The following RASEF variants were observed in gnomAD, a reference collection of about 807,000 sequenced individuals.
The protein encoded by RASEF is RAS and EF-hand domain containing.
A neutral mutation model predicts 90.1 loss-of-function variants in RASEF; 68 were observed. The ratio of observed to expected loss-of-function variants is 0.75; its 90% CI spans 0.62 to 0.92. The LOEUF is 0.92. Among genes scored for constraint, RASEF ranks in the 40% least tolerant of loss-of-function variants. The pLI, the probability that RASEF is intolerant of heterozygous loss-of-function variation, is 0.00. For synonymous variants in RASEF, 331 were observed against 345.2 expected (o/e 0.96, Z 0.46); for missense variants, 949 against 937.2 (o/e 1.01, Z -0.16).
chr9:83,135,367 G>A, the RASEF span, among the ~76,000 whole-genome samples: 1 of 151,996 alleles, frequency 6.6e-6, no homozygotes, highest in East Asian at 1.9e-4. Context: ...GGAAGAGGGA[G>A]GGATAGCATT....
intron 1 of RASEF, among the ~76,000 whole-genome samples, chr9:83,026,444 A>C (rs966473252): frequency 2.0e-5 from 3 of 152,202 alleles, no homozygotes; most frequent in African/African-American, 7.2e-5. Context: ...ACATGGCAGA[A>C]GGGGAAGCAA....
chr9:83,056,005 A>G (rs1830095933), intron 1 of RASEF, among the ~76,000 whole-genome samples: 1 of 152,136 alleles, frequency 6.6e-6, no homozygotes, highest in African/African-American at 2.4e-5. Context: ...TCAGGTGTAT[A>G]TATATAGTGC....
At chr9:83,077,039 C>G in the RASEF span, among the ~76,000 whole-genome samples, 2 of 152,068 alleles carry the variant, frequency 1.3e-5, no homozygotes, top group Non-Finnish European at 2.9e-5. Flanking sequence ...TTGGAAAGGT[C>G]ATGAAAACTT....
chr9:83,209,053 G>C, the RASEF span, among the ~76,000 whole-genome samples: 1 of 152,180 alleles, frequency 6.6e-6, no homozygotes, highest in Non-Finnish European at 1.5e-5. Context: ...ATTCAGTTGG[G>C]CAGCAATTTC....
At chr9:83,197,664 G>C in the RASEF span, among the ~76,000 whole-genome samples, 1 of 152,146 alleles carries the variant, frequency 6.6e-6, no homozygotes, top group African/African-American at 2.4e-5. Context: ...GCTAACATTT[G>C]GGCACTTGGA....
intron 1 of RASEF, among the ~76,000 whole-genome samples, chr9:83,040,771 T>C (rs999624660): frequency 6.6e-6 from 1 of 152,242 alleles, no homozygotes; most frequent in Non-Finnish European, 1.5e-5. Context: ...TTGTTTACAG[T>C]TAAATAAACC....
intron 13 of RASEF, among the ~76,000 whole-genome samples, 162 bp downstream of exon 13, chr9:82,998,203 A>G (rs1466258330): frequency 6.6e-6 from 1 of 152,252 alleles, no homozygotes; most frequent in Non-Finnish European, 1.5e-5. Context: ...GAATATAAGC[A>G]TTTTAAAGTT....
At chr9:83,077,404 G>A in the RASEF span, among the ~76,000 whole-genome samples, 1 of 152,034 alleles carries the variant, frequency 6.6e-6, no homozygotes, top group Non-Finnish European at 1.5e-5. Context: ...TATTAGAATC[G>A]GTCATTAAAT....
chr9:83,022,701 T>A (rs948495383), intron 2 of RASEF, among the ~76,000 whole-genome samples: 1 of 152,200 alleles, frequency 6.6e-6, no homozygotes, highest in Non-Finnish European at 1.5e-5. Flanking sequence ...TGTCATTGTG[T>A]AAGCATCATA....
chr9:83,048,477 G>A (rs1829973024), intron 1 of RASEF: 11 of 985,056 alleles, frequency 1.1e-5, no homozygotes, highest in Admixed American at 6.2e-5. Flanking sequence ...CTTTTGGCAG[G>A]AGACTATTTC....
At chr9:83,168,896 A>G in the RASEF span, among the ~76,000 whole-genome samples, 4 of 152,078 alleles carry the variant, frequency 2.6e-5, no homozygotes, top group Non-Finnish European at 5.9e-5. Flanking sequence ...ATTGTTAACT[A>G]TAGTCACCTT....
intron 1 of RASEF, among the ~76,000 whole-genome samples, chr9:83,038,335 A>G (rs1564085291): frequency 6.6e-6 from 1 of 152,132 alleles, no homozygotes; most frequent in Non-Finnish European, 1.5e-5. Context: ...TTACTCTACA[A>G]TTATAGTTCA....
chr9:83,049,608 T>C (rs1365477266), intron 1 of RASEF, among the ~76,000 whole-genome samples: 1 of 143,876 alleles, frequency 7.0e-6, no homozygotes, highest in African/African-American at 2.8e-5. Context: ...GTTACATATG[T>C]ATACATGTGC....
At chr9:83,049,661 G>A (rs1041515250) in intron 1 of RASEF, among the ~76,000 whole-genome samples, 4 of 147,870 alleles carry the variant, frequency 2.7e-5, no homozygotes, top group Non-Finnish European at 4.4e-5. Flanking sequence ...TCTACCATTA[G>A]GTATATCTCC....
At chr9:83,000,617 T>C in intron 10 of RASEF, 47 bp from the exon 11 acceptor site, 1 of 1,540,050 alleles carries the variant, frequency 6.5e-7, no homozygotes, top group Non-Finnish European at 8.8e-7. Flanking sequence ...ATGTCAGCAG[T>C]TAAAATACAA....
the RASEF span, among the ~76,000 whole-genome samples, chr9:83,144,867 A>G: frequency 6.6e-6 from 1 of 152,224 alleles, no homozygotes; most frequent in African/African-American, 2.4e-5. Context: ...ATTTTAAATC[A>G]GAATGACAAG....
At chr9:83,005,910 T>C (rs1268719199) in intron 7 of RASEF, among the ~76,000 whole-genome samples, 1 of 152,202 alleles carries the variant, frequency 6.6e-6, no homozygotes, top group Non-Finnish European at 1.5e-5. Flanking sequence ...TGGCAGCTCC[T>C]GCATTCTATG....
the RASEF span, among the ~76,000 whole-genome samples, chr9:83,181,952 T>G: frequency 1.3e-5 from 2 of 152,214 alleles, no homozygotes; most frequent in African/African-American, 2.4e-5. Context: ...GATCCACTTT[T>G]GGAAACAGGA....
chr9:83,085,817 C>T, the RASEF span, among the ~76,000 whole-genome samples: 2 of 151,874 alleles, frequency 1.3e-5, no homozygotes, highest in Non-Finnish European at 2.9e-5. Context: ...CCCAGCTACT[C>T]GGTGGGCTAA....
Sources: gnomAD v4.1 joint callset for allele counts (sites outside exome capture counted in the v4.1 genomes callset) on GRCh38, gnomAD v4.1.1 for gene constraint, MANE v1.5 for transcripts, NCBI Gene and HGNC (gene_info 2026-07-23, HGNC 2026-07-21) for gene names.